Variants in NPC1L1 observed in about 807,000 individuals in gnomAD.
NPC1L1 encodes the protein NPC1-like intracellular cholesterol transporter 1.
In NPC1L1, 98 loss-of-function variants were observed where a neutral mutation model predicts 117.0. The ratio of observed to expected loss-of-function variants is 0.84; its 90% CI spans 0.71 to 0.99. The LOEUF is 0.99. Ranked by LOEUF, NPC1L1 falls within the 50% of genes least tolerant of loss-of-function variation. The probability of loss-of-function intolerance (pLI) is 0.00; values close to 1 mark genes in which losing one functional copy is unlikely to be tolerated. For missense variants in NPC1L1, 1,540 were observed against 1,710.0 expected (o/e 0.90, Z 1.75); for synonymous variants, 729 against 727.6 (o/e 1.00, Z -0.03).
chr7:44,539,158 C>T lies in NPC1L1; in HGVS notation c.1239G>A (p.Thr413=). The T allele has an allele frequency of 4.3e-6, 7 of 1,614,102 alleles. No homozygotes were observed. Among genetic ancestry groups the T allele is most frequent in the Non-Finnish European group, 5.9e-6 (7 of 1,180,032 alleles). ...ACCTGTAGCTGGACCGGTTAGGAGC[C>T]GTCAGGATCACCTGGTTGGTTCGGA... ...PFFRTNQVIL[T]APNRSSYRYD... Residue 413 remains threonine (T), a synonymous_variant, in exon 2 of 19, where the codon ACG becomes ACA. Coordinates refer to ENST00000381160, the MANE Select transcript of NPC1L1 (RefSeq NM_001101648.2). The surrounding 1 kb of genome is among the most constrained non-coding windows in gnomAD (Gnocchi z 4.4).
At position 44,538,655 on chromosome 7, in the gene NPC1L1, G is replaced by A. The variant is rs756372961; in HGVS notation, c.1580+162C>T. 1.5e-4 allele frequency among the ~76,000 whole-genome samples: 23 copies of A among 152,230 alleles called. No homozygotes were observed. Among genetic ancestry groups the A allele is most frequent in the South Asian group, 8.3e-4 (4 of 4,826 alleles). Reference sequence around the variant, plus strand: ...ACCAAAGGAAATGGCGGCCGGACGAGGGGCAGAGATAATCATCTGGGCGGC... The same window carrying A: ...ACCAAAGGAAATGGCGGCCGGACGAAGGGCAGAGATAATCATCTGGGCGGC... On this transcript the variant is annotated intron_variant, in intron 2 of 18. Coordinates refer to ENST00000381160, the MANE Select transcript of NPC1L1 (RefSeq NM_001101648.2). This position sits in a 1 kb window ranked among gnomAD's most constrained non-coding sequence, Gnocchi z 5.9.
chr7:44,539,341 A>G lies in NPC1L1; in HGVS notation c.1056T>C (p.Pro352=). The change falls in exon 2 of 19, where the codon CCT becomes CCC. Residue 352 remains proline (P), a synonymous_variant. Transcript: ENST00000381160. This position sits in a 1 kb window ranked among gnomAD's most constrained non-coding sequence, Gnocchi z 4.4. ...TGACAGATAGCACCAAGATGGTCAG[A>G]GGCCACGAAGCCACCCACGTGCCCC... ...QGWGTWVASW[P]LTILVLSVIP... 6.2e-7 allele frequency: 1 copy of G among 1,613,602 alleles called. No homozygotes were observed. Among genetic ancestry groups the G allele is most frequent in the East Asian group, 2.2e-5 (1 of 44,866 alleles).
chr7:44,534,396 G>A lies in NPC1L1; in HGVS notation c.2166+51C>T, dbSNP rs771719872. ...GAGTCCCATCAGGCCAGGAGGTGAG[G>A]TTGGGAGAAGAGTGGGCAGTTGGGG... On this transcript the variant is annotated intron_variant, in intron 6 of 18. Coordinates refer to ENST00000381160, the MANE Select transcript of NPC1L1 (RefSeq NM_001101648.2). This position sits in a 1 kb window ranked among gnomAD's most constrained non-coding sequence, Gnocchi z 5.2. 8.2e-5 allele frequency: 130 copies of A among 1,593,364 alleles called. No individual in the cohort carries two copies. Among genetic ancestry groups the A allele is most frequent in the Non-Finnish European group, 1.0e-4 (118 of 1,161,270 alleles).
intron 1 of NPC1L1, among the ~76,000 whole-genome samples, 159 bp from the exon 2 acceptor site, chr7:44,540,501 C>G (rs1215235528): frequency 6.6e-6 from 1 of 152,036 alleles, no homozygotes; most frequent in Non-Finnish European, 1.5e-5. Context: ...CATGTGCCAG[C>G]CAGCCAGTGT....
chr7:44,536,096 A>G lies in NPC1L1; in HGVS notation c.1855-128T>C. 6.5e-7 allele frequency: 1 copy of G among 1,544,250 alleles called. No homozygotes were observed. On this transcript the variant is annotated intron_variant, in intron 4 of 18. Transcript: ENST00000381160. The surrounding 1 kb of genome is among the most constrained non-coding windows in gnomAD (Gnocchi z 4.7). ...GGGCCTGATGGCCCCCTATAATCGC[A>G]GGTGAGGCTATAAGAACAGCCATCA...
chr7:44,525,713 A>G (rs1417370732), intron 10 of NPC1L1, among the ~76,000 whole-genome samples: 1 of 152,226 alleles, frequency 6.6e-6, no homozygotes, highest in African/African-American at 2.4e-5. Flanking sequence ...CCTCTAAAAA[A>G]TAAAAATAAA....
In NPC1L1 at chr7:44,521,453, C is replaced by T. The variant is rs536574561; in HGVS notation, c.2953+259G>A. On this transcript the variant is annotated intron_variant, in intron 12 of 18. Transcript: ENST00000381160. ...CCTGACTCCCCACTGCCCTGCCACC[C>T]GGGAGCACCATGTGCTCTGAAAATG... is the stretch of plus-strand genomic sequence containing the variant. Among the ~76,000 whole-genome samples, 6 of 152,310 alleles carry T rather than the reference C, an allele frequency of 3.9e-5. No individual in the cohort carries two copies. In the East Asian group the frequency reaches 5.8e-4, roughly 15 times the overall value.
chr7:44,540,541 G>T (rs1380737394), intron 1 of NPC1L1, among the ~76,000 whole-genome samples, 199 bp from the exon 2 acceptor site: 1 of 152,024 alleles, frequency 6.6e-6, no homozygotes, highest in Non-Finnish European at 1.5e-5. Context: ...TTTCTTCCTG[G>T]GGGTGGCCTG....
rs1801961397 is a variant in NPC1L1, at chr7:44,538,289, C to G, written c.1580+528G>C. ...AGTGGACAGAACCAAAGACCGAACC[C>G]CAATCAATAGAAGTGTGTGTGGCTG... On this transcript the variant is annotated intron_variant, in intron 2 of 18. Coordinates refer to ENST00000381160, the MANE Select transcript of NPC1L1 (RefSeq NM_001101648.2). This position sits in a 1 kb window ranked among gnomAD's most constrained non-coding sequence, Gnocchi z 5.9. 6.6e-6 allele frequency among the ~76,000 whole-genome samples: 1 copy of G among 152,212 alleles called. No individual in the cohort carries two copies. Among genetic ancestry groups the G allele is most frequent in the Admixed American group, 6.5e-5 (1 of 15,288 alleles).
At chr7:44,520,088 T>C (rs1367459223) in intron 14 of NPC1L1, among the ~76,000 whole-genome samples, 1 of 152,174 alleles carries the variant, frequency 6.6e-6, no homozygotes, top group East Asian at 1.9e-4. Flanking sequence ...GAGACCAGCT[T>C]GGCCAACGTG....
chr7:44,536,169 A>AAGGGCC lies in NPC1L1; in HGVS notation c.1854+81_1854+86dup. ...CAGCCACTGCCCAGGGTCACTTAGG[A>AAGGGCC]AGGGCCAGGGCCAGGATGGGGACAC... On this transcript the variant is annotated intron_variant, in intron 4 of 18. Coordinates refer to ENST00000381160, the MANE Select transcript of NPC1L1 (RefSeq NM_001101648.2). This position sits in a 1 kb window ranked among gnomAD's most constrained non-coding sequence, Gnocchi z 4.7. The AAGGGCC allele has an allele frequency of 1.3e-6, 2 of 1,590,436 alleles. No homozygotes were observed. The highest frequency in any genetic ancestry group is 1.7e-6 in the Non-Finnish European group (2 of 1,160,800).
At position 44,536,548 on chromosome 7, in the gene NPC1L1, C is replaced by T. The variant is rs1801900409; in HGVS notation, c.1682-120G>A. On this transcript the variant is annotated intron_variant, in intron 3 of 18. Coordinates refer to ENST00000381160, the MANE Select transcript of NPC1L1 (RefSeq NM_001101648.2). The surrounding 1 kb of genome is among the most constrained non-coding windows in gnomAD (Gnocchi z 4.7). ...CCCCTCCCATCACCCCTTGCTCCTT[C>T]TCCCCCACTCCTTCCTCATCTGATA... 2 of 1,098,146 alleles carry T rather than the reference C, an allele frequency of 1.8e-6. No homozygotes were observed. Among genetic ancestry groups the T allele is most frequent in the Non-Finnish European group, 2.7e-6 (2 of 737,038 alleles). 68.0% of individuals were successfully genotyped at this position (1,098,146 alleles called of 1,614,324 possible).
chr7:44,531,308 C>T (rs1408066330), intron 10 of NPC1L1, among the ~76,000 whole-genome samples: 1 of 152,076 alleles, frequency 6.6e-6, no homozygotes, highest in Non-Finnish European at 1.5e-5. Flanking sequence ...TGGGCTCACC[C>T]TAGCCTCCCA....
At chr7:44,519,351 C>T (rs971308130) in intron 14 of NPC1L1, among the ~76,000 whole-genome samples, 1 of 152,180 alleles carries the variant, frequency 6.6e-6, no homozygotes, top group Admixed American at 6.5e-5. Flanking sequence ...CTTGGCTCTA[C>T]TGTGTGCTCC....
In NPC1L1 at chr7:44,539,965, C is replaced by A; in HGVS notation, c.432G>T (p.Gln144His). 6.2e-7 allele frequency: 1 copy of A among 1,614,244 alleles called. No homozygotes were observed. Among genetic ancestry groups the A allele is most frequent in the Non-Finnish European group, 8.5e-7 (1 of 1,180,046 alleles). ...SLFINVTRVA[Q>H]LGAGQLPAVV... ...CAGCTGGGAGTTGTCCAGCCCCTAG[C>A]TGGGCCACGCGGGTCACATTGATGA... Residue 144 changes from glutamine to histidine, a missense_variant, in exon 2 of 19, where the codon CAG (glutamine) becomes CAT (histidine). Coordinates refer to ENST00000381160, the MANE Select transcript of NPC1L1 (RefSeq NM_001101648.2). The surrounding 1 kb of genome is among the most constrained non-coding windows in gnomAD (Gnocchi z 4.4).
In NPC1L1 at chr7:44,513,597, C is replaced by T. The variant is rs549885303; in HGVS notation, c.3849G>A (p.Ala1283=). The change falls in exon 19 of 19, where the codon GCG becomes GCA. Residue 1283 remains alanine, a synonymous_variant. Coordinates refer to ENST00000381160, the MANE Select transcript of NPC1L1 (RefSeq NM_001101648.2). Reference sequence around the variant, plus strand: ...AAGAGGCCACCATGACTGCTGCCACCGCCTCCTCAGCCCGCTTCTGCTCCA... The same window carrying T: ...AAGAGGCCACCATGACTGCTGCCACTGCCTCCTCAGCCCGCTTCTGCTCCA... The part of the protein sequence containing the change: ...LALEQKRAEE[A]VAAVMVASCP... The T allele has an allele frequency of 5.5e-5, 88 of 1,613,826 alleles. No individual in the cohort carries two copies. Among genetic ancestry groups the T allele is most frequent in the East Asian group, 5.3e-4 (24 of 44,884 alleles).
In NPC1L1 at chr7:44,513,214, C is replaced by T. The variant is rs990104921; in HGVS notation, c.*233G>A. The T allele has an allele frequency of 6.6e-5, 37 of 564,052 alleles. No individual in the cohort carries two copies. The highest frequency in any genetic ancestry group is 5.6e-4 in the African/African-American group (30 of 53,190). The allele number at this position is 564,052 out of a possible 1,614,324, so 34.9% of individuals were successfully genotyped here. A position where few individuals can be genotyped will look rare whatever the true frequency, so the allele number is the denominator to read the frequency against. On this transcript the variant is annotated 3_prime_UTR_variant, in exon 19 of 19. Transcript: ENST00000381160. ...CCAGACCCAGGCCCAGGAGGAGGCA[C>T]TGCCCAAGGCCTAGGTGACTTGGAA... is the stretch of plus-strand genomic sequence containing the variant.
At chr7:44,520,386 G>T (rs1023861014) in intron 14 of NPC1L1, among the ~76,000 whole-genome samples, 1 of 152,186 alleles carries the variant, frequency 6.6e-6, no homozygotes. Context: ...GATTACAGGC[G>T]CCCAGCCTCT....
chr7:44,517,459 A>G (rs1372535392), intron 14 of NPC1L1, 102 bp from the exon 15 acceptor site: 1 of 1,404,940 alleles, frequency 7.1e-7, no homozygotes, highest in East Asian at 2.3e-5. Context: ...CATGTGATCA[A>G]GCGGGGTTCA....
Sources: allele counts gnomAD v4.1 joint callset (sites outside exome capture counted in the v4.1 genomes callset), GRCh38; gene constraint gnomAD v4.1.1; non-coding constraint Gnocchi (gnomAD v3.1); transcripts MANE v1.5; gene names NCBI Gene and HGNC (gene_info 2026-07-23, HGNC 2026-07-21).